The following GOLGA4 variants were observed in gnomAD, a reference collection of about 807,000 sequenced individuals.
GOLGA4 encodes golgin A4.
A neutral mutation model predicts 265.9 loss-of-function variants in GOLGA4; 169 were observed. The observed-to-expected ratio is 0.64, with a 90% CI of 0.56 to 0.72. The LOEUF (loss-of-function observed/expected upper bound fraction) is 0.72, where lower values mean the gene tolerates loss of function less well. Ranked by LOEUF, GOLGA4 falls within the 30% of genes least tolerant of loss-of-function variation. The pLI is 0.00. For missense variants in GOLGA4, 2,482 were observed against 2,483.4 expected (o/e 1.00, Z 0.01); for synonymous variants, 923 against 855.8 (o/e 1.08, Z -1.37).
intron 2 of GOLGA4, among the ~76,000 whole-genome samples, chr3:37,253,565 GTTAATA>G (rs2096739907): frequency 6.6e-6 from 1 of 152,012 alleles, no homozygotes; most frequent in African/African-American, 2.4e-5. Flanking sequence ...AGCTAGGATT[GTTAATA>G]TTAAAATTTA....
At chr3:37,331,030 C>CAAAAA (rs1205353359) in intron 16 of GOLGA4, among the ~76,000 whole-genome samples, 1 of 63,094 alleles carries the variant, frequency 1.6e-5, no homozygotes, top group Non-Finnish European at 3.2e-5. Context: ...GACTCCGTCT[C>CAAAAA]AAAAAAAAAA....
Position 37,263,449 on chromosome 3 carries a change from C to T in GOLGA4, c.162+11965C>T, listed in dbSNP as rs375409585. Among the ~76,000 whole-genome samples, 23 of 152,250 alleles carry T rather than the reference C, an allele frequency of 1.5e-4. No individual in the cohort carries two copies. In the South Asian group the frequency reaches 4.4e-3, roughly 29 times the overall value. On this transcript the variant is annotated intron_variant, in intron 2 of 23. Transcript: ENST00000361924. ...CCAACCAGGAACAGAAACTAAGAAC[C>T]GATGGCTGTATTCTCTCCCTTGGAC...
chr3:37,296,969 G>A (rs2150846288), intron 7 of GOLGA4, among the ~76,000 whole-genome samples: 1 of 151,760 alleles, frequency 6.6e-6, no homozygotes, highest in East Asian at 1.9e-4. Context: ...TTTATTAATA[G>A]CAGTAGCTAG....
At chr3:37,279,426 T>C (rs2096828528) in intron 2 of GOLGA4, among the ~76,000 whole-genome samples, 1 of 152,202 alleles carries the variant, frequency 6.6e-6, no homozygotes, top group Non-Finnish European at 1.5e-5. Context: ...TTTCCAGGCA[T>C]ACCCAGATTC....
intron 1 of GOLGA4, among the ~76,000 whole-genome samples, chr3:37,246,494 TA>T (rs1276813406): frequency 1.3e-5 from 2 of 152,176 alleles, no homozygotes; most frequent in Admixed American, 1.3e-4. Context: ...TTCTAAAACT[TA>T]AAAATTATAG....
At chr3:37,352,604 C>A (rs1355250407) in intron 21 of GOLGA4, among the ~76,000 whole-genome samples, 2 of 152,044 alleles carry the variant, frequency 1.3e-5, no homozygotes, top group Non-Finnish European at 2.9e-5. Context: ...GGTCTTTTAG[C>A]TTTAAACTTT....
chr3:37,361,652 G>T (rs956208802), intron 23 of GOLGA4, among the ~76,000 whole-genome samples: 8 of 152,114 alleles, frequency 5.3e-5, no homozygotes, highest in Non-Finnish European at 7.4e-5. Context: ...AATTATGATT[G>T]TGAGAGAGAA....
chr3:37,328,476 G>A lies in GOLGA4; in HGVS notation c.6000G>A (p.Glu2000=). 1 of 1,611,644 alleles carries A rather than the reference G, an allele frequency of 6.2e-7. No individual in the cohort carries two copies. The highest frequency in any genetic ancestry group is 2.2e-5 in the East Asian group (1 of 44,832). Residue 2000 remains glutamate, a synonymous_variant, in exon 15 of 24, where the codon GAG becomes GAA. Coordinates refer to ENST00000361924, the MANE Select transcript of GOLGA4 (RefSeq NM_002078.5). ...CCACATTAAAACAGCTGATGAGGGA[G>A]TTTAATACACAGCTGGCACAAAAGG... ...HNSTLKQLMR[E]FNTQLAQKEQ... is the part of the protein sequence containing the mutation.
chr3:37,243,940 A>C (rs565788490), intron 1 of GOLGA4: 7 of 346,318 alleles, frequency 2.0e-5, no homozygotes, highest in Admixed American at 1.5e-4. Context: ...TCCATATTTG[A>C]GGTTTTCCCA....
chr3:37,261,466 A>T (rs746167893), intron 2 of GOLGA4, among the ~76,000 whole-genome samples: 5 of 152,236 alleles, frequency 3.3e-5, no homozygotes, highest in Non-Finnish European at 7.3e-5. Context: ...GCCATTTTCA[A>T]CTAGGGTTTT....
chr3:37,343,423 GC>G (rs1304589130), intron 20 of GOLGA4, among the ~76,000 whole-genome samples: 1 of 151,796 alleles, frequency 6.6e-6, no homozygotes, highest in African/African-American at 2.4e-5. Flanking sequence ...GCCCAGCCTG[GC>G]CAGGCTGGTT....
chr3:37,261,274 C>T (rs1204541161), intron 2 of GOLGA4, among the ~76,000 whole-genome samples: 4 of 152,164 alleles, frequency 2.6e-5, no homozygotes, highest in African/African-American at 4.8e-5. Context: ...TTAGGACTTT[C>T]GGTCAAATCA....
In GOLGA4 at chr3:37,258,118, GTA is replaced by G. The variant is rs199876066; in HGVS notation, c.162+6644_162+6645del. Among the ~76,000 whole-genome samples the G allele has an allele frequency of 3.8e-4, 50 of 131,096 alleles. 3 individuals carry two copies. Among genetic ancestry groups the G allele is most frequent in the African/African-American group, 5.3e-4 (19 of 35,844 alleles). 86.0% of individuals were successfully genotyped at this position (131,096 alleles called of 152,430 possible). ...ATATGCTCTGTATATATATATGTGT[GTA>G]TATATATATGCTCTGTATATATATA... is the stretch of plus-strand genomic sequence containing the variant. On this transcript the variant is annotated intron_variant, in intron 2 of 23. Coordinates refer to ENST00000361924, the MANE Select transcript of GOLGA4 (RefSeq NM_002078.5).
chr3:37,295,907 T>C (rs2096876968), intron 6 of GOLGA4, among the ~76,000 whole-genome samples, 180 bp from the exon 7 acceptor site: 1 of 152,236 alleles, frequency 6.6e-6, no homozygotes, highest in Non-Finnish European at 1.5e-5. Context: ...TAAATTATAC[T>C]GGAGGATGTG....
rs1559439338 is a variant in GOLGA4, at chr3:37,327,293, G to T, written c.5407G>T (p.Glu1803Ter). Residue 1803 changes from glutamate (E) to a stop codon, truncating the protein, a stop_gained, in exon 14 of 24, where the codon GAA (glutamate) becomes TAA (stop). Coordinates refer to ENST00000361924, the MANE Select transcript of GOLGA4 (RefSeq NM_002078.5). LOFTEE classifies it high-confidence loss of function. Reference sequence around the variant, plus strand: ...AGGTCATCTTCAAGAGGAGCTTGAAGAAAAAAACAAGAAATATTCCTTGAT... The same window carrying T: ...AGGTCATCTTCAAGAGGAGCTTGAATAAAAAAACAAGAAATATTCCTTGAT... ...MIGHLQEELEEKNKKYSLIVA... is the reference protein window; with the variant it reads ...MIGHLQEELE The T allele has an allele frequency of 5.0e-6, 8 of 1,613,402 alleles. No homozygotes were observed. The South Asian group carries it at 8.8e-5, about 18-fold the overall frequency.
intron 2 of GOLGA4, among the ~76,000 whole-genome samples, chr3:37,265,790 T>C (rs1049501174): frequency 2.0e-5 from 3 of 151,982 alleles, no homozygotes; most frequent in Admixed American, 2.0e-4. Flanking sequence ...GTAATCCTAG[T>C]ACTTGGGAGG....
chr3:37,345,913 C>T (rs867336485), intron 20 of GOLGA4, among the ~76,000 whole-genome samples: 7 of 151,206 alleles, frequency 4.6e-5, no homozygotes, highest in African/African-American at 1.5e-4. Flanking sequence ...CGCCACTGCA[C>T]TCCAGCCTGG....
chr3:37,245,178 G>A (rs996615258), intron 1 of GOLGA4: 2 of 152,622 alleles, frequency 1.3e-5, no homozygotes, highest in African/African-American at 4.8e-5. Context: ...TTATTATGCA[G>A]CCATAAAAAG....
chr3:37,289,549 A>G (rs939091793), intron 5 of GOLGA4, among the ~76,000 whole-genome samples: 2 of 152,218 alleles, frequency 1.3e-5, no homozygotes, highest in Admixed American at 1.3e-4. Flanking sequence ...TCAACTTCCA[A>G]GGGTTAACTG....
Sources: allele counts gnomAD v4.1 joint callset (sites outside exome capture counted in the v4.1 genomes callset), GRCh38; gene constraint gnomAD v4.1.1; transcripts MANE v1.5; gene names NCBI Gene and HGNC (gene_info 2026-07-23, HGNC 2026-07-21).